The following ATAD3B variants were observed in gnomAD, a reference collection of about 807,000 sequenced individuals.
The protein encoded by ATAD3B is ATPase family AAA domain containing 3B.
In ATAD3B, 59 loss-of-function variants were observed where a neutral mutation model predicts 70.2. That is an observed-to-expected ratio of 0.84 (90% CI 0.68 to 1.04). The LOEUF (loss-of-function observed/expected upper bound fraction) is 1.04, where lower values mean the gene tolerates loss of function less well. Among genes scored for constraint, ATAD3B ranks in the 50% least tolerant of loss-of-function variants. ATAD3B has a pLI of 0.00. For missense variants in ATAD3B, 961 were observed against 913.4 expected (o/e 1.05, Z -0.67); for synonymous variants, 423 against 388.6 (o/e 1.09, Z -1.04).
Position 1,486,134 on chromosome 1 carries a change from G to C in ATAD3B, c.988G>C (p.Asp330His), listed in dbSNP as rs776507286. ...GCCCAGCCTGGAAGCACGGGTGCGC[G>C]ACATCGCCATAGCAACCAGGAACAC... is the stretch of plus-strand genomic sequence containing the variant. ...LSPSLEARVR[D>H]IAIATRNTKK... The change falls in exon 10 of 16, where the codon GAC (aspartate) becomes CAC (histidine). Residue 330 changes from aspartate (D) to histidine (H), a missense_variant. Around this residue, in one of 4 missense-constraint regions of ATAD3B, gnomAD observed 349 missense variants for 307.5 expected, o/e 1.14. Transcript: ENST00000673477. 6.2e-7 allele frequency: 1 copy of C among 1,613,188 alleles called. No individual in the cohort carries two copies. Among genetic ancestry groups the C allele is most frequent in the Non-Finnish European group, 8.5e-7 (1 of 1,179,644 alleles).
chr1:1,488,850 ATT>A (rs1487392304), intron 12 of ATAD3B, among the ~76,000 whole-genome samples: 4 of 151,374 alleles, frequency 2.6e-5, no homozygotes, highest in Non-Finnish European at 4.4e-5. Context: ...TTTTAAATGT[ATT>A]TTTTATTTTT....
At chr1:1,480,302 C>T (rs2100545473) in intron 4 of ATAD3B, among the ~76,000 whole-genome samples, 1 of 144,328 alleles carries the variant, frequency 6.9e-6, no homozygotes, top group South Asian at 2.3e-4. Context: ...GTGTGGGTTC[C>T]ACAGCAGCGG....
At chr1:1,483,162 G>T (rs1640016109) in intron 7 of ATAD3B, 1 of 396,758 alleles carries the variant, frequency 2.5e-6, no homozygotes, top group African/African-American at 2.1e-5. Context: ...AATTAGCTGG[G>T]TGTGGTGACA....
Position 1,480,897 on chromosome 1 carries a change from C to T in ATAD3B, c.475C>T (p.Gln159Ter), listed in dbSNP as rs1639877539. 6.3e-7 allele frequency: 1 copy of T among 1,593,776 alleles called. No homozygotes were observed. The highest frequency in any genetic ancestry group is 2.3e-5 in the East Asian group (1 of 43,144). ...TCTCAATGAGGAGAATTTACGGAAGCAGGAGGAGTCCGTGCAGAAGCAGGA... is the reference window on the plus strand; with the variant it reads ...TCTCAATGAGGAGAATTTACGGAAGTAGGAGGAGTCCGTGCAGAAGCAGGA... ...QLLNEENLRK[Q>*]EESVQKQEAM... is the part of the protein sequence containing the mutation. The change falls in exon 5 of 16, where the codon CAG (glutamine) becomes TAG (stop). Residue 159 changes from glutamine (Q) to a stop codon, truncating the protein, a stop_gained. Transcript: ENST00000673477. LOFTEE classifies it high-confidence loss of function.
chr1:1,509,386 C>T, the ATAD3B span: 5 of 1,602,504 alleles, frequency 3.1e-6, no homozygotes, highest in African/African-American at 1.4e-5. Context: ...GGAGCCTGGC[C>T]GCGGACCCCT....
At chr1:1,472,864 C>T (rs1193004584) in intron 1 of ATAD3B, among the ~76,000 whole-genome samples, 2 of 151,972 alleles carry the variant, frequency 1.3e-5, no homozygotes, top group South Asian at 2.1e-4. Flanking sequence ...GACACAGTAT[C>T]GCCCTGTCGC....
rs189463607 is a variant in ATAD3B, at chr1:1,473,290, C to G, written c.205+1201C>G. Among the ~76,000 whole-genome samples the G allele has an allele frequency of 1.0e-4, 15 of 146,650 alleles. No individual in the cohort carries two copies. In the East Asian group the frequency reaches 3.1e-3, roughly 30 times the overall value. ...GAATAGCTGGGAGTACAGGCGCCCG[C>G]CACCACGCCCGGCTAATTTTGTAGA... On this transcript the variant is annotated intron_variant, in intron 1 of 15. Transcript: ENST00000673477.
Position 1,482,094 on chromosome 1 carries a change from T to G in ATAD3B, c.515-44T>G, listed in dbSNP as rs372365995. 2.5e-6 allele frequency: 4 copies of G among 1,577,424 alleles called. No individual in the cohort carries two copies. In the East Asian group the frequency reaches 9.1e-5, roughly 36 times the overall value. On this transcript the variant is annotated intron_variant, in intron 5 of 15. Coordinates refer to ENST00000673477, the MANE Select transcript of ATAD3B (RefSeq NM_031921.6). ...TCCACAGTGTGGGTGGAGGTGGACG[T>G]GCTGCACTGCATGGTGCTGAGCTGC... is the stretch of plus-strand genomic sequence containing the variant.
chr1:1,503,589 A>G, the ATAD3B span: 20 of 1,611,686 alleles, frequency 1.2e-5, no homozygotes, highest in East Asian at 2.7e-4. Flanking sequence ...TGCAGGCCAC[A>G]TCAAAGGACG....
downstream of ATAD3B, among the ~76,000 whole-genome samples, chr1:1,502,460 G>A (rs548207579): frequency 4.0e-5 from 6 of 150,122 alleles, no homozygotes; most frequent in African/African-American, 9.8e-5. Context: ...CACCCGTCTC[G>A]GCCTCCCAAA....
Position 1,495,468 on chromosome 1 carries a change from C to T in ATAD3B, c.1615-17C>T, listed in dbSNP as rs376746495. On this transcript the variant is annotated splice_polypyrimidine_tract_variant and intron_variant, in intron 15 of 15. Coordinates refer to ENST00000673477, the MANE Select transcript of ATAD3B (RefSeq NM_031921.6). ...GTTCCCATAGCGGCCTCCCTCAGCT[C>T]CCTCTCTCTTCACTAGGCCACGGCA... is the stretch of plus-strand genomic sequence containing the variant. The T allele has an allele frequency of 4.5e-5, 72 of 1,583,172 alleles. 1 individual carries two copies. The African/African-American group carries it at 7.9e-4, about 17-fold the overall frequency.
chr1:1,499,537 T>C (rs1224284121), downstream of ATAD3B, among the ~76,000 whole-genome samples: 1 of 149,264 alleles, frequency 6.7e-6, no homozygotes, highest in Non-Finnish European at 1.5e-5. Context: ...CAGCCATAGA[T>C]AGATATTATG....
chr1:1,489,440 G>T (rs1570263096), intron 13 of ATAD3B, 166 bp downstream of exon 13: 1 of 1,288,522 alleles, frequency 7.8e-7, no homozygotes, highest in East Asian at 2.5e-5. Context: ...AGCACGGGGT[G>T]TCATTGAGGA....
chr1:1,500,905 C>A (rs1028499063), downstream of ATAD3B, among the ~76,000 whole-genome samples: 2 of 151,824 alleles, frequency 1.3e-5, no homozygotes, highest in Middle Eastern at 3.2e-3. Context: ...TACAGTGAGC[C>A]GAGATTGCGG....
At chr1:1,489,462 C>A in intron 13 of ATAD3B, 188 bp downstream of exon 13, 1 of 1,152,830 alleles carries the variant, frequency 8.7e-7, no homozygotes, top group Non-Finnish European at 1.2e-6. Flanking sequence ...CATGCAGGGG[C>A]CTCCCGGGCA....
At position 1,496,294 on chromosome 1, in the gene ATAD3B, CTGGAG is replaced by C; in HGVS notation, c.*478_*482del. On this transcript the variant is annotated 3_prime_UTR_variant, in exon 16 of 16. Transcript: ENST00000673477. The stretch of plus-strand genomic sequence containing the variant: ...TCAAAGGTGACATAAGAGGCAGAGG[CTGGAG>C]CTTTCTGGAGAATTTACTGATCACA... 1 of 933,656 alleles carries C rather than the reference CTGGAG, an allele frequency of 1.1e-6. No individual in the cohort carries two copies. Among genetic ancestry groups the C allele is most frequent in the Non-Finnish European group, 1.3e-6 (1 of 781,718 alleles). 57.8% of individuals were successfully genotyped at this position (933,656 alleles called of 1,614,324 possible).
chr1:1,483,475 C>G (rs1640033998), intron 7 of ATAD3B: 1 of 200,468 alleles, frequency 5.0e-6, no homozygotes, highest in Admixed American at 5.6e-5. Flanking sequence ...CTCAAAAAAA[C>G]AAACAAAATA....
the ATAD3B span, among the ~76,000 whole-genome samples, chr1:1,507,980 T>A: frequency 2.2e-4 from 34 of 152,192 alleles, no homozygotes; most frequent in Non-Finnish European, 3.8e-4. Flanking sequence ...ACGTGACATT[T>A]AGCTGTCACT....
At chr1:1,503,952 T>G in the ATAD3B span, among the ~76,000 whole-genome samples, 1 of 152,076 alleles carries the variant, frequency 6.6e-6, no homozygotes, top group African/African-American at 2.4e-5. Context: ...AGCAGAATTT[T>G]TTTTGCATTG....
Sources: gnomAD v4.1 joint callset for allele counts (sites outside exome capture counted in the v4.1 genomes callset) on GRCh38, gnomAD v4.1.1 for gene constraint, gnomAD v4.1.1 regional missense constraint, MANE v1.5 for transcripts, NCBI Gene and HGNC (gene_info 2026-07-23, HGNC 2026-07-21) for gene names.